TSC22D2: variants seen among roughly 807,000 people sequenced by gnomAD.
TSC22D2 encodes TSC22 domain family member 2, also known as TSC22 domain family protein 2.
In TSC22D2, 5 loss-of-function variants were observed where a neutral mutation model predicts 50.1. The observed-to-expected ratio is 0.10, with a 90% CI of 0.05 to 0.21. TSC22D2 has a LOEUF of 0.21. Ranked by LOEUF, TSC22D2 falls within the 10% of genes least tolerant of loss-of-function variation. The pLI is 1.00. For missense variants in TSC22D2, 1,003 were observed against 1,015.5 expected, an observed-to-expected ratio of 0.99 and a Z score of 0.17; for synonymous variants, 501 against 450.1, an observed-to-expected ratio of 1.11 and a Z score of -1.43.
chr3:150,418,582 A>G (rs1719902361), intron 1 of TSC22D2, among the ~76,000 whole-genome samples: 1 of 151,866 alleles, frequency 6.6e-6, no homozygotes, highest in Non-Finnish European at 1.5e-5. Flanking sequence ...TAAAATGGTC[A>G]TTCAGATTAA....
In TSC22D2 at chr3:150,409,893, G is replaced by A; in HGVS notation, c.543G>A (p.Thr181=). ...SGEPYRRGRW[T]CMEYYERDSD... The stretch of plus-strand genomic sequence containing the variant: ...AGCCCTATAGACGCGGCCGATGGAC[G>A]TGTATGGAATACTATGAGAGGGATT... Residue 181 remains threonine, a synonymous_variant, in exon 1 of 3, where the codon ACG becomes ACA. Transcript: ENST00000688009. This position sits in a 1 kb window ranked among gnomAD's most constrained non-coding sequence, Gnocchi z 7.4. 6.2e-7 allele frequency: 1 copy of A among 1,613,500 alleles called. No individual in the cohort carries two copies.
Position 150,466,174 on chromosome 3 carries a change from AGT to A in TSC22D2, c.*7540_*7541del, listed in dbSNP as rs1474409942. 5.4e-5 allele frequency: 8 copies of A among 148,564 alleles called. No individual in the cohort carries two copies. The East Asian group carries it at 1.6e-3, about 30-fold the overall frequency. 9.2% of individuals were successfully genotyped at this position (148,564 alleles called of 1,614,324 possible). A position where few individuals can be genotyped will look rare whatever the true frequency, so the allele number is the denominator to read the frequency against. Reference sequence around the variant, plus strand: ...CAATACCTGTAATACATATGATACTAGTGATGTTAAATCACATCACACACACA... The same window carrying A: ...CAATACCTGTAATACATATGATACTAGATGTTAAATCACATCACACACACA... On this transcript the variant is annotated 3_prime_UTR_variant, in exon 3 of 3. Coordinates refer to ENST00000688009, the MANE Select transcript of TSC22D2 (RefSeq NM_001303264.2).
At chr3:150,433,822 C>T (rs1228914445) in intron 1 of TSC22D2, among the ~76,000 whole-genome samples, 1 of 152,178 alleles carries the variant, frequency 6.6e-6, no homozygotes, top group East Asian at 1.9e-4. Flanking sequence ...TGCCTGTAAT[C>T]CCAGCACTTT....
At chr3:150,454,976 A>C (rs943219963) in intron 1 of TSC22D2, among the ~76,000 whole-genome samples, 3 of 152,058 alleles carry the variant, frequency 2.0e-5, no homozygotes, top group Non-Finnish European at 2.9e-5. Flanking sequence ...TCAAAAAAAA[A>C]CCCCAGTAAT....
rs1489324701 is a variant in TSC22D2, at chr3:150,463,025, A to G, written c.*4389A>G. The G allele has an allele frequency of 6.6e-6, 1 of 152,242 alleles. No homozygotes were observed. Among genetic ancestry groups the G allele is most frequent in the Non-Finnish European group, 1.5e-5 (1 of 68,040 alleles). The allele number at this position is 152,242 out of a possible 1,614,324, so 9.4% of individuals were successfully genotyped here. ...ACTCGGTCTTTTCCTTCCAACAGTTATAAATCTGTGAAATGAAAGTCTTTG... is the reference window on the plus strand; with the variant it reads ...ACTCGGTCTTTTCCTTCCAACAGTTGTAAATCTGTGAAATGAAAGTCTTTG... On this transcript the variant is annotated 3_prime_UTR_variant, in exon 3 of 3. Coordinates refer to ENST00000688009, the MANE Select transcript of TSC22D2 (RefSeq NM_001303264.2).
At chr3:150,420,926 A>G (rs1398918635) in intron 1 of TSC22D2, among the ~76,000 whole-genome samples, 2 of 152,054 alleles carry the variant, frequency 1.3e-5, no homozygotes, top group African/African-American at 4.8e-5. Flanking sequence ...TACTAAAAAT[A>G]CCAAAAATTA....
intron 1 of TSC22D2, among the ~76,000 whole-genome samples, chr3:150,441,286 A>G (rs1422875923): frequency 3.9e-5 from 6 of 152,146 alleles, no homozygotes; most frequent in Non-Finnish European, 8.8e-5. Flanking sequence ...GATTTTCAAT[A>G]GTTTTTAAAC....
At position 150,460,737 on chromosome 3, in the gene TSC22D2, GCTAA is replaced by G. The variant is rs1403742888; in HGVS notation, c.*2104_*2107del. 1 of 152,068 alleles carries G rather than the reference GCTAA, an allele frequency of 6.6e-6. No homozygotes were observed. The highest frequency in any genetic ancestry group is 2.4e-5 in the African/African-American group (1 of 41,392). The allele number at this position is 152,068 out of a possible 1,614,324, so 9.4% of individuals were successfully genotyped here. A position where few individuals can be genotyped will look rare whatever the true frequency, so the allele number is the denominator to read the frequency against. ...GGTTTGCTGGCTGTGCCCCTCCAGT[GCTAA>G]CTGTGACATGTGATATTTAATACAG... On this transcript the variant is annotated 3_prime_UTR_variant, in exon 3 of 3. Coordinates refer to ENST00000688009, the MANE Select transcript of TSC22D2 (RefSeq NM_001303264.2).
chr3:150,459,545 T>C lies in TSC22D2; in HGVS notation c.*909T>C, dbSNP rs999331908. 1 of 151,722 alleles carries C rather than the reference T, an allele frequency of 6.6e-6. No homozygotes were observed. Among genetic ancestry groups the C allele is most frequent in the Admixed American group, 6.6e-5 (1 of 15,164 alleles). The allele number at this position is 151,722 out of a possible 1,614,324, so 9.4% of individuals were successfully genotyped here. On this transcript the variant is annotated 3_prime_UTR_variant, in exon 3 of 3. Transcript: ENST00000688009. The stretch of plus-strand genomic sequence containing the variant: ...CTTTGTAACCAAAGAAGCAAAGCTG[T>C]GTAATGGAGTTTGGTTTTTTTTTGT...
intron 1 of TSC22D2, among the ~76,000 whole-genome samples, chr3:150,422,582 A>C (rs1278388624): frequency 6.6e-6 from 1 of 152,234 alleles, no homozygotes. Flanking sequence ...CTTCATTGTT[A>C]ATCAAACCTT....
intron 1 of TSC22D2, among the ~76,000 whole-genome samples, chr3:150,432,162 G>A (rs900375619): frequency 1.3e-5 from 2 of 151,996 alleles, no homozygotes; most frequent in Admixed American, 1.3e-4. Context: ...ATCTGTTTTC[G>A]ACACATTACC....
At chr3:150,430,750 A>AGT (rs1424062697) in intron 1 of TSC22D2, among the ~76,000 whole-genome samples, 1 of 152,146 alleles carries the variant, frequency 6.6e-6, no homozygotes, top group East Asian at 1.9e-4. Context: ...CAAGGATTAG[A>AGT]GTAGGGTAAA....
chr3:150,456,174 CTTTTTGTTTT>C (rs1559852068), intron 1 of TSC22D2, among the ~76,000 whole-genome samples: 1 of 123,560 alleles, frequency 8.1e-6, no homozygotes, highest in Non-Finnish European at 1.7e-5. Flanking sequence ...AATGTTGTTT[CTTTTTGTTTT>C]TTTTTTTTTT....
rs769513395 is a variant in TSC22D2, at chr3:150,410,434, C to T, written c.1084C>T (p.Pro362Ser). Residue 362 changes from proline (P) to serine (S), a missense_variant, in exon 1 of 3, where the codon CCT (proline) becomes TCT (serine). Pro to Ser is a moderately conservative substitution (Grantham distance 74). Coordinates refer to ENST00000688009, the MANE Select transcript of TSC22D2 (RefSeq NM_001303264.2). ...GCCCCAGCAGTTCGCGTATCCTCAG[C>T]CTCAGATACCGCCCGGACATTTGCT... The part of the protein sequence containing the change: ...QQPQQFAYPQ[P>S]QIPPGHLLPV... 1.4e-5 allele frequency: 22 copies of T among 1,609,418 alleles called. No individual in the cohort carries two copies. The East Asian group carries it at 2.0e-4, about 15-fold the overall frequency.
chr3:150,435,769 C>T (rs1176787813), intron 1 of TSC22D2, among the ~76,000 whole-genome samples: 1 of 152,148 alleles, frequency 6.6e-6, no homozygotes, highest in Non-Finnish European at 1.5e-5. Context: ...TATAAATCAT[C>T]TACCTTCTTC....
At chr3:150,421,079 G>GT (rs1719990411) in intron 1 of TSC22D2, among the ~76,000 whole-genome samples, 1 of 152,164 alleles carries the variant, frequency 6.6e-6, no homozygotes, top group Non-Finnish European at 1.5e-5. Flanking sequence ...GTGAAACTCT[G>GT]TCTCCAAAAA....
intron 1 of TSC22D2, among the ~76,000 whole-genome samples, chr3:150,443,481 C>T (rs1278956388): frequency 6.6e-6 from 1 of 152,188 alleles, no homozygotes; most frequent in African/African-American, 2.4e-5. Flanking sequence ...TTAGAGATCA[C>T]AAGGACGTTT....
At chr3:150,420,216 C>T (rs1465905782) in intron 1 of TSC22D2, among the ~76,000 whole-genome samples, 1 of 152,142 alleles carries the variant, frequency 6.6e-6, no homozygotes, top group East Asian at 1.9e-4. Flanking sequence ...CCTTCTACTT[C>T]CTTGATCAGT....
intron 1 of TSC22D2, among the ~76,000 whole-genome samples, chr3:150,412,359 A>G (rs1417880510): frequency 6.6e-6 from 1 of 152,214 alleles, no homozygotes; most frequent in African/African-American, 2.4e-5. Flanking sequence ...GGCTAATTTT[A>G]GGTGTTTTTA....
Sources: gnomAD v4.1 joint callset for allele counts (sites outside exome capture counted in the v4.1 genomes callset) on GRCh38, gnomAD v4.1.1 for gene constraint, Gnocchi (gnomAD v3.1) non-coding constraint, MANE v1.5 for transcripts, NCBI Gene and HGNC (gene_info 2026-07-23, HGNC 2026-07-21) for gene names.